Variants in PLCXD3 observed in about 807,000 individuals in gnomAD.
The protein encoded by PLCXD3 is PI-PLC X domain-containing protein 3.
A neutral mutation model predicts 25.5 loss-of-function variants in PLCXD3; 19 were observed. The observed-to-expected ratio is 0.75, with a 90% confidence interval of 0.52 to 1.09. PLCXD3 has a LOEUF of 1.09. Among genes scored for constraint, PLCXD3 ranks in the 50% least tolerant of loss-of-function variants. The probability of loss-of-function intolerance (pLI) is 0.00; values close to 1 mark genes in which losing one functional copy is unlikely to be tolerated. For missense variants in PLCXD3, 411 were observed against 388.1 expected (o/e 1.06, Z -0.50); for synonymous variants, 174 against 137.6 (o/e 1.26, Z -1.85).
At chr5:41,352,623 T>C (rs1172253607) in intron 2 of PLCXD3, among the ~76,000 whole-genome samples, 1 of 152,234 alleles carries the variant, frequency 6.6e-6, no homozygotes. Flanking sequence ...CCTTTCTCTA[T>C]TAAGCATTCT....
At chr5:41,317,347 A>G (rs1009206023) in intron 2 of PLCXD3, among the ~76,000 whole-genome samples, 5 of 152,206 alleles carry the variant, frequency 3.3e-5, no homozygotes, top group African/African-American at 1.2e-4. Flanking sequence ...AGATCACAAT[A>G]CCTTAGTCTT....
rs1743148002 is a variant in PLCXD3 at position 41,312,098 on chromosome 5, T to TTA, written c.*1518_*1519insTA. 1 of 152,448 alleles carries TTA rather than the reference T, an allele frequency of 6.6e-6. No individual in the cohort carries two copies. Among genetic ancestry groups the TTA allele is most frequent in the East Asian group, 1.9e-4 (1 of 5,180 alleles). 9.4% of individuals were successfully genotyped at this position (152,448 alleles called of 1,614,324 possible). On this transcript the variant is annotated 3_prime_UTR_variant, in exon 3 of 3. Transcript: ENST00000377801. Reference sequence around the variant, plus strand: ...AAGGATTATTGTGCTCTAAGTTTTTTTTTTTTATTTTTTAGAGTTGTCAAA... The same window carrying TTA: ...AAGGATTATTGTGCTCTAAGTTTTTTTATTTTTTATTTTTTAGAGTTGTCAAA...
chr5:41,399,047 A>G (rs1746098792), intron 1 of PLCXD3, among the ~76,000 whole-genome samples: 1 of 152,244 alleles, frequency 6.6e-6, no homozygotes, highest in Non-Finnish European at 1.5e-5. Context: ...TAGCATTTCT[A>G]CATGCCAACA....
chr5:41,493,770 GT>G (rs1328618502), intron 1 of PLCXD3, among the ~76,000 whole-genome samples: 1 of 152,116 alleles, frequency 6.6e-6, no homozygotes, highest in Non-Finnish European at 1.5e-5. Context: ...CTGGTGCGCC[GT>G]TTTTTAAGCC....
chr5:41,445,830 A>G (rs1430172784), intron 1 of PLCXD3, among the ~76,000 whole-genome samples: 1 of 152,170 alleles, frequency 6.6e-6, no homozygotes, highest in African/African-American at 2.4e-5. Flanking sequence ...GTTTTCTTAA[A>G]TAATCATGAT....
chr5:41,431,115 C>A (rs561401502), intron 1 of PLCXD3, among the ~76,000 whole-genome samples: 1 of 152,274 alleles, frequency 6.6e-6, no homozygotes, highest in South Asian at 2.1e-4. Context: ...AGGATCCATG[C>A]CAATTTTCTG....
intron 1 of PLCXD3, among the ~76,000 whole-genome samples, chr5:41,451,674 A>C (rs1230871927): frequency 1.3e-5 from 2 of 151,084 alleles, no homozygotes; most frequent in African/African-American, 4.9e-5. Flanking sequence ...TCCACCCCTA[A>C]TCCTTGGTCT....
intron 1 of PLCXD3, 129 bp downstream of exon 1, chr5:41,510,295 G>A (rs1739019458): frequency 1.2e-6 from 1 of 831,346 alleles, no homozygotes; most frequent in Non-Finnish European, 1.9e-6. Flanking sequence ...CCTGGCCTGA[G>A]ACCCACCCTG....
At chr5:41,364,138 A>G (rs1744870898) in intron 2 of PLCXD3, among the ~76,000 whole-genome samples, 1 of 152,070 alleles carries the variant, frequency 6.6e-6, no homozygotes, top group Admixed American at 6.6e-5. Context: ...TTCAGTCATA[A>G]CTCAGGGGAA....
chr5:41,479,668 T>A (rs1489315105), intron 1 of PLCXD3, among the ~76,000 whole-genome samples: 2 of 152,056 alleles, frequency 1.3e-5, no homozygotes, highest in Non-Finnish European at 2.9e-5. Context: ...TTTTGCATTA[T>A]AAAATTGATT....
chr5:41,353,057 G>GAATGTTCA (rs1490765620), intron 2 of PLCXD3, among the ~76,000 whole-genome samples: 37 of 151,628 alleles, frequency 2.4e-4, no homozygotes, highest in African/African-American at 8.2e-4. Flanking sequence ...TTAACTACTG[G>GAATGTTCA]AATGTTCAGT....
chr5:41,361,321 A>G (rs1451112461), intron 2 of PLCXD3, among the ~76,000 whole-genome samples: 1 of 152,210 alleles, frequency 6.6e-6, no homozygotes, highest in Admixed American at 6.5e-5. Flanking sequence ...AATTTGCCCC[A>G]TACCATGAGC....
chr5:41,370,955 C>A, intron 2 of PLCXD3, among the ~76,000 whole-genome samples: 1 of 152,152 alleles, frequency 6.6e-6, no homozygotes, highest in East Asian at 1.9e-4. Flanking sequence ...GACCCCTTCT[C>A]TCCATCATCT....
chr5:41,383,883 C>G (rs913705540), intron 1 of PLCXD3, among the ~76,000 whole-genome samples: 2 of 151,842 alleles, frequency 1.3e-5, no homozygotes, highest in Non-Finnish European at 2.9e-5. Context: ...CAATATATAC[C>G]TACGTCTATA....
chr5:41,333,017 C>A lies in PLCXD3; in HGVS notation c.813-19247G>T, dbSNP rs183210296. Among the ~76,000 whole-genome samples the A allele has an allele frequency of 3.5e-3, 525 of 152,146 alleles. 4 individuals carry two copies. Among genetic ancestry groups the A allele is most frequent in the Non-Finnish European group, 6.0e-3 (405 of 67,998 alleles). On this transcript the variant is annotated intron_variant, in intron 2 of 2. Transcript: ENST00000377801. ...CTAAATGACGAGTTAACGGGTGCAG[C>A]ACACCAGCATGGCACATGTATACAT...
chr5:41,419,499 A>G (rs1183997669), intron 1 of PLCXD3, among the ~76,000 whole-genome samples: 1 of 152,212 alleles, frequency 6.6e-6, no homozygotes, highest in Non-Finnish European at 1.5e-5. Context: ...GACATGGTTG[A>G]AGTTTTTGGG....
At chr5:41,419,217 C>A (rs1746760096) in intron 1 of PLCXD3, among the ~76,000 whole-genome samples, 1 of 152,106 alleles carries the variant, frequency 6.6e-6, no homozygotes, top group African/African-American at 2.4e-5. Context: ...GCAAGAGAAT[C>A]CTTCCCTTCC....
At chr5:41,365,534 C>A (rs1744907770) in intron 2 of PLCXD3, among the ~76,000 whole-genome samples, 1 of 152,156 alleles carries the variant, frequency 6.6e-6, no homozygotes, top group African/African-American at 2.4e-5. Context: ...GACTGCCTCT[C>A]CAGTCCCCAC....
intron 1 of PLCXD3, among the ~76,000 whole-genome samples, chr5:41,490,912 G>A (rs1478606004): frequency 6.6e-6 from 1 of 151,970 alleles, no homozygotes; most frequent in Non-Finnish European, 1.5e-5. Flanking sequence ...TTTTTTGAAG[G>A]GTTTTTTGTG....
Sources: allele counts gnomAD v4.1 joint callset (sites outside exome capture counted in the v4.1 genomes callset), GRCh38; gene constraint gnomAD v4.1.1; transcripts MANE v1.5; gene names NCBI Gene and HGNC (gene_info 2026-07-23, HGNC 2026-07-21).